TMCO1: variants seen among roughly 807,000 people sequenced by gnomAD.
TMCO1 encodes calcium load-activated calcium channel.
TMCO1 carries 29 observed loss-of-function variants against 29.3 expected under a neutral mutation model. The ratio of observed to expected loss-of-function variants is 0.99; its 90% CI spans 0.74 to 1.35. TMCO1 has a LOEUF of 1.35. Ranked by LOEUF, TMCO1 falls within the 40% of genes most tolerant of loss-of-function variation. The pLI is 0.00. For synonymous variants in TMCO1, 80 were observed against 77.1 expected (o/e 1.04, Z -0.20); for missense variants, 173 against 225.5 (o/e 0.77, Z 1.49).
At chr1:165,739,931 C>T (rs376460232) in intron 6 of TMCO1, among the ~76,000 whole-genome samples, 14 of 151,700 alleles carry the variant, frequency 9.2e-5, no homozygotes, top group African/African-American at 2.7e-4. Context: ...GCCAACATGG[C>T]GAAACCCTGT....
intron 2 of TMCO1, among the ~76,000 whole-genome samples, chr1:165,764,183 C>T (rs1422052087): frequency 1.3e-5 from 2 of 152,206 alleles, no homozygotes; most frequent in African/African-American, 4.8e-5. Context: ...CCATTGCATG[C>T]TGCCAACTAG....
At chr1:165,749,211 T>G (rs1335667393) in intron 5 of TMCO1, among the ~76,000 whole-genome samples, 1 of 152,178 alleles carries the variant, frequency 6.6e-6, no homozygotes, top group Non-Finnish European at 1.5e-5. Flanking sequence ...CACTTTTTAT[T>G]CTATATAAGT....
chr1:165,757,931 T>A (rs1389967914), intron 3 of TMCO1, among the ~76,000 whole-genome samples: 1 of 152,214 alleles, frequency 6.6e-6, no homozygotes, highest in African/African-American at 2.4e-5. Flanking sequence ...ATAATCTGCC[T>A]TCCATTTTTA....
chr1:165,768,908 A>G (rs1328268303), upstream of TMCO1: 3 of 1,544,068 alleles, frequency 1.9e-6, no homozygotes, highest in East Asian at 7.3e-5. Flanking sequence ...GGGGCATAGC[A>G]CCGGAAAGGC....
intron 2 of TMCO1, among the ~76,000 whole-genome samples, chr1:165,764,235 T>A (rs1339717146): frequency 6.6e-6 from 1 of 152,234 alleles, no homozygotes; most frequent in Non-Finnish European, 1.5e-5. Flanking sequence ...AGAATATATG[T>A]GATGTTATGC....
chr1:165,753,472 CAAAAAAAAAAAAAAA>C (rs35980344), intron 4 of TMCO1, among the ~76,000 whole-genome samples: 8 of 47,760 alleles, frequency 1.7e-4, no homozygotes, highest in African/African-American at 7.6e-4. Context: ...GACTCTGTCT[CAAAAAAAAAAAAAAA>C]AAAAAAAAAA....
rs138410567 is a variant in TMCO1 at position 165,735,761 on chromosome 1, C to T, written c.468+7406G>A. On this transcript the variant is annotated intron_variant, in intron 6 of 6. Coordinates refer to ENST00000367881, the MANE Select transcript of TMCO1 (RefSeq NM_019026.6). Reference sequence around the variant, plus strand: ...AACTCCTGACCTCAAGTGATCTACCCGCCCTGGCCTCCCAAAATGCTGGGA... The same window carrying T: ...AACTCCTGACCTCAAGTGATCTACCTGCCCTGGCCTCCCAAAATGCTGGGA... Among the ~76,000 whole-genome samples, 191 of 152,174 alleles carry T rather than the reference C, an allele frequency of 1.3e-3. 1 individual carries two copies. Among genetic ancestry groups the T allele is most frequent in the African/African-American group, 4.4e-3 (181 of 41,526 alleles).
chr1:165,758,712 G>T (rs938662294), intron 3 of TMCO1, among the ~76,000 whole-genome samples: 1 of 152,098 alleles, frequency 6.6e-6, no homozygotes, highest in South Asian at 2.1e-4. Flanking sequence ...CTCCAATGCT[G>T]TTAGGAGTAA....
At position 165,768,775 on chromosome 1, in the gene TMCO1, T is replaced by C. The variant is rs1652681063; in HGVS notation, c.-24A>G. 1 of 1,613,944 alleles carries C rather than the reference T, an allele frequency of 6.2e-7. No homozygotes were observed. Among genetic ancestry groups the C allele is most frequent in the Non-Finnish European group, 8.5e-7 (1 of 1,179,978 alleles). ...ATCTCGCACCTTCGTCTCTGCACTC[T>C]CACCCGCCAGGGGGAAAGCGCTCTA... On this transcript the variant is annotated 5_prime_UTR_variant, in exon 1 of 7. Coordinates refer to ENST00000367881, the MANE Select transcript of TMCO1 (RefSeq NM_019026.6).
intron 6 of TMCO1, among the ~76,000 whole-genome samples, chr1:165,738,273 A>C (rs1408552628): frequency 6.6e-6 from 1 of 152,226 alleles, no homozygotes; most frequent in Non-Finnish European, 1.5e-5. Context: ...AGCCGGAGCA[A>C]CAGAACGAGA....
At chr1:165,738,417 T>C (rs1651467819) in intron 6 of TMCO1, among the ~76,000 whole-genome samples, 1 of 152,252 alleles carries the variant, frequency 6.6e-6, no homozygotes, top group Admixed American at 6.5e-5. Context: ...TTCTGACTAT[T>C]CATTTCGCAG....
At chr1:165,741,886 C>T (rs1415257979) in intron 6 of TMCO1, among the ~76,000 whole-genome samples, 2 of 152,326 alleles carry the variant, frequency 1.3e-5, no homozygotes, top group Admixed American at 6.5e-5. Context: ...TTCTGCATTC[C>T]GCCATGATTC....
At chr1:165,751,645 C>A (rs994298223) in intron 5 of TMCO1, among the ~76,000 whole-genome samples, 1 of 151,276 alleles carries the variant, frequency 6.6e-6, no homozygotes, top group Non-Finnish European at 1.5e-5. Flanking sequence ...ACAGAGGTTG[C>A]AGTGAGCCAA....
chr1:165,727,103 T>C lies in TMCO1; in HGVS notation c.*920A>G, dbSNP rs1363722911. The stretch of plus-strand genomic sequence containing the variant: ...GAGGATCATGGTACAAACATCCTTC[T>C]CCCTTATGAAGGGGCATGGCAGAAA... On this transcript the variant is annotated 3_prime_UTR_variant, in exon 7 of 7. Transcript: ENST00000367881. 4.4e-6 allele frequency: 2 copies of C among 453,940 alleles called. No individual in the cohort carries two copies. The highest frequency in any genetic ancestry group is 8.8e-6 in the Non-Finnish European group (2 of 226,784). 28.1% of individuals were successfully genotyped at this position (453,940 alleles called of 1,614,324 possible). A position where few individuals can be genotyped will look rare whatever the true frequency, so the allele number is the denominator to read the frequency against.
intron 2 of TMCO1, among the ~76,000 whole-genome samples, chr1:165,765,566 G>C (rs1002517758): frequency 6.6e-6 from 1 of 152,244 alleles, no homozygotes; most frequent in Admixed American, 6.5e-5. Flanking sequence ...ACAGGCCTGA[G>C]CCACCGCGCC....
intron 2 of TMCO1, among the ~76,000 whole-genome samples, chr1:165,760,456 T>C (rs1230601780): frequency 6.6e-6 from 1 of 151,482 alleles, no homozygotes; most frequent in African/African-American, 2.4e-5. Context: ...AAAATACCAA[T>C]TTTTCTGATG....
At chr1:165,735,511 ATTT>A (rs34062484) in intron 6 of TMCO1, among the ~76,000 whole-genome samples, 29 of 110,234 alleles carry the variant, frequency 2.6e-4, no homozygotes, top group Non-Finnish European at 3.0e-4. Flanking sequence ...TCTCTGCTTA[ATTT>A]TTTTTTTTTT....
At chr1:165,748,424 A>G (rs1262553342) in intron 5 of TMCO1, among the ~76,000 whole-genome samples, 1 of 152,192 alleles carries the variant, frequency 6.6e-6, no homozygotes, top group East Asian at 1.9e-4. Flanking sequence ...GCTAGGATGA[A>G]TGAGAAGAGA....
chr1:165,753,872 C>T (rs1290019693), intron 4 of TMCO1, among the ~76,000 whole-genome samples: 2 of 152,102 alleles, frequency 1.3e-5, no homozygotes, highest in African/African-American at 2.4e-5. Context: ...AATGTTCCAA[C>T]TTCTATACTG....
Sources: gnomAD v4.1 joint callset for allele counts (sites outside exome capture counted in the v4.1 genomes callset) on GRCh38, gnomAD v4.1.1 for gene constraint, MANE v1.5 for transcripts, NCBI Gene and HGNC (gene_info 2026-07-23, HGNC 2026-07-21) for gene names.